Variants in GHR observed in about 807,000 individuals in gnomAD.
GHR encodes the protein growth hormone receptor.
In GHR, 35 loss-of-function variants were observed where a neutral mutation model predicts 67.1. That is an observed-to-expected ratio of 0.52 (90% CI 0.40 to 0.69). The LOEUF is 0.69. GHR is among the 30% of genes least tolerant of loss of function. GHR has a pLI of 0.00. For synonymous variants in GHR, 272 were observed against 269.1 expected, an observed-to-expected ratio of 1.01 and a Z score of -0.10; for missense variants, 792 against 764.6, an observed-to-expected ratio of 1.04 and a Z score of -0.42.
chr5:42,592,590 A>T (rs1751842346), intron 2 of GHR, among the ~76,000 whole-genome samples: 1 of 152,268 alleles, frequency 6.6e-6, no homozygotes, highest in African/African-American at 2.4e-5. Context: ...TGCACAGGAC[A>T]TGAGCTCATT....
intron 2 of GHR, among the ~76,000 whole-genome samples, chr5:42,600,469 C>A (rs943403467): frequency 6.6e-6 from 1 of 152,234 alleles, no homozygotes; most frequent in Non-Finnish European, 1.5e-5. Context: ...ATGCATCACT[C>A]ACTGAAAGTG....
Position 42,583,862 on chromosome 5 carries a change from T to C in GHR, c.70+17918T>C, listed in dbSNP as rs1751325508. On this transcript the variant is annotated intron_variant, in intron 2 of 9. Coordinates refer to ENST00000230882, the MANE Select transcript of GHR (RefSeq NM_000163.5). ...AAATCTTGCAAAAAATAAAGATATA[T>C]ATATCTTTAAATAAAGATATATATA... is the stretch of plus-strand genomic sequence containing the variant. 2.0e-5 allele frequency among the ~76,000 whole-genome samples: 3 copies of C among 149,110 alleles called. No individual in the cohort carries two copies. In the Admixed American group the frequency reaches 2.0e-4, roughly 10 times the overall value.
chr5:42,468,879 G>A, intron 1 of GHR: 2 of 799,338 alleles, frequency 2.5e-6, no homozygotes, highest in East Asian at 3.0e-5. Context: ...TGGTTGCTCG[G>A]CGGCACATTC....
At chr5:42,512,247 G>C (rs988726069) in intron 1 of GHR, among the ~76,000 whole-genome samples, 1 of 152,110 alleles carries the variant, frequency 6.6e-6, no homozygotes, top group African/African-American at 2.4e-5. Context: ...AATGGACTCA[G>C]GGGTTCTCAA....
At chr5:42,596,307 A>G (rs1285097230) in intron 2 of GHR, among the ~76,000 whole-genome samples, 2 of 144,866 alleles carry the variant, frequency 1.4e-5, no homozygotes, top group Non-Finnish European at 1.5e-5. Context: ...AAGGAGATGG[A>G]AAAAAAAAAA....
intron 2 of GHR, among the ~76,000 whole-genome samples, chr5:42,588,957 C>T (rs891012382): frequency 6.6e-5 from 10 of 152,156 alleles, no homozygotes; most frequent in African/African-American, 1.9e-4. Flanking sequence ...ACTACATCAC[C>T]TGCTTCACCG....
At chr5:42,550,120 A>C in intron 1 of GHR, 1 of 959,646 alleles carries the variant, frequency 1.0e-6, no homozygotes. Context: ...GCCTGGGGTA[A>C]GTGTGTCTTC....
intron 2 of GHR, among the ~76,000 whole-genome samples, chr5:42,617,590 G>T (rs4866791): frequency 6.6e-6 from 1 of 151,906 alleles, no homozygotes; most frequent in African/African-American, 2.4e-5. Context: ...ACCTGCTGGC[G>T]TCAGCACAAT....
In GHR at chr5:42,505,299, G is replaced by A. The variant is rs762428591; in HGVS notation, c.-11-60565G>A. Among the ~76,000 whole-genome samples, 110 of 151,954 alleles carry A rather than the reference G, an allele frequency of 7.2e-4. 1 individual carries two copies. The highest frequency in any genetic ancestry group is 9.0e-4 in the Non-Finnish European group (61 of 67,980). On this transcript the variant is annotated intron_variant, in intron 1 of 9. Transcript: ENST00000230882. ...GAATTTCTGTTTGAGCCCAGTCCAA[G>A]TCATTACTTGAGCAATTTTTTGCGC...
At chr5:42,571,864 C>T (rs767949192) in intron 2 of GHR, among the ~76,000 whole-genome samples, 7 of 152,092 alleles carry the variant, frequency 4.6e-5, no homozygotes, top group African/African-American at 7.2e-5. Flanking sequence ...GTTGACATAA[C>T]GTATTTGGTG....
At chr5:42,568,136 G>C (rs901245026) in intron 2 of GHR, among the ~76,000 whole-genome samples, 3 of 152,170 alleles carry the variant, frequency 2.0e-5, no homozygotes, top group Admixed American at 6.5e-5. Context: ...GAAGATGACA[G>C]ACCTGTATGC....
chr5:42,512,286 T>A (rs982797612), intron 1 of GHR, among the ~76,000 whole-genome samples: 6 of 151,744 alleles, frequency 4.0e-5, no homozygotes, highest in African/African-American at 1.5e-4. Context: ...GATCCAGGAA[T>A]CCACATATTC....
chr5:42,667,836 G>A (rs1285218514), intron 3 of GHR, among the ~76,000 whole-genome samples: 1 of 152,112 alleles, frequency 6.6e-6, no homozygotes, highest in Admixed American at 6.6e-5. Context: ...TTCCATTTCC[G>A]GCAAACTGGG....
intron 4 of GHR, among the ~76,000 whole-genome samples, chr5:42,694,127 C>T (rs1458115349): frequency 6.6e-6 from 1 of 152,162 alleles, no homozygotes; most frequent in Non-Finnish European, 1.5e-5. Flanking sequence ...AGAGCCAGAG[C>T]AATCATTCCC....
chr5:42,525,349 C>A (rs528083254), intron 1 of GHR, among the ~76,000 whole-genome samples: 3 of 152,186 alleles, frequency 2.0e-5, no homozygotes, highest in Non-Finnish European at 4.4e-5. Context: ...GACTGCCCTG[C>A]GGCATTTCAG....
Position 42,539,138 on chromosome 5 carries a change from C to A in GHR, c.-11-26726C>A, listed in dbSNP as rs182277612. On this transcript the variant is annotated intron_variant, in intron 1 of 9. Coordinates refer to ENST00000230882, the MANE Select transcript of GHR (RefSeq NM_000163.5). Reference sequence around the variant, plus strand: ...GTTGGGCTTCACCTTTCTCTAGTGCCTCCCTGATTAGCTTAATAACTAACC... The same window carrying A: ...GTTGGGCTTCACCTTTCTCTAGTGCATCCCTGATTAGCTTAATAACTAACC... Among the ~76,000 whole-genome samples the A allele has an allele frequency of 1.7e-3, 257 of 152,194 alleles. 2 individuals are homozygous for A. The highest frequency in any genetic ancestry group is 5.9e-3 in the African/African-American group (245 of 41,528).
intron 2 of GHR, among the ~76,000 whole-genome samples, chr5:42,628,066 G>C (rs898983475): frequency 6.6e-6 from 1 of 152,096 alleles, no homozygotes; most frequent in East Asian, 1.9e-4. Context: ...CCTCCCCCAG[G>C]CAAGCTCCTC....
chr5:42,682,323 C>A (rs1187271137), intron 3 of GHR, among the ~76,000 whole-genome samples: 1 of 152,062 alleles, frequency 6.6e-6, no homozygotes, highest in East Asian at 1.9e-4. Flanking sequence ...TAGATTTAAT[C>A]TTTAAAAATC....
chr5:42,429,403 A>T (rs192204586), intron 1 of GHR, among the ~76,000 whole-genome samples: 1 of 152,326 alleles, frequency 6.6e-6, no homozygotes, highest in Admixed American at 6.5e-5. Context: ...ACACAGCAAA[A>T]CCATATTACT....
Sources: gnomAD v4.1 joint callset for allele counts (sites outside exome capture counted in the v4.1 genomes callset) on GRCh38, gnomAD v4.1.1 for gene constraint, MANE v1.5 for transcripts, NCBI Gene and HGNC (gene_info 2026-07-23, HGNC 2026-07-21) for gene names.